The following BMS1 variants were observed in gnomAD, a reference collection of about 807,000 sequenced individuals.
BMS1 encodes the protein ribosome biogenesis protein BMS1 homolog.
In BMS1, 53 loss-of-function variants were observed where a neutral mutation model predicts 138.7. The ratio of observed to expected loss-of-function variants is 0.38; its 90% CI spans 0.31 to 0.48. The LOEUF is 0.48. BMS1 is among the 20% of genes least tolerant of loss of function. The pLI, the probability that BMS1 is intolerant of heterozygous loss-of-function variation, is 0.97. For synonymous variants in BMS1, 504 were observed against 539.9 expected (o/e 0.93, Z 0.92); for missense variants, 1,360 against 1,565.5 (o/e 0.87, Z 2.22).
At position 42,784,493 on chromosome 10, in the gene BMS1, C is replaced by T. The variant is rs1344429748; in HGVS notation, c.99C>T (p.Asp33=). The T allele has an allele frequency of 6.8e-6, 11 of 1,613,822 alleles. No individual in the cohort carries two copies. Among genetic ancestry groups the T allele is most frequent in the Admixed American group, 3.3e-5 (2 of 59,982 alleles). Residue 33 remains aspartate, a synonymous_variant, in exon 2 of 23, where the codon GAC becomes GAT. Coordinates refer to ENST00000374518, the MANE Select transcript of BMS1 (RefSeq NM_014753.4). ...KRLLQDLQLG[D]EEDARKRNPK... ...TTCTGCAGGATCTCCAGCTAGGAGA[C>T]GAAGAAGATGCCCGGAAGAGAAATC...
Position 42,796,547 on chromosome 10 carries a change from G to A in BMS1, c.1303G>A (p.Asp435Asn). 6.2e-7 allele frequency: 1 copy of A among 1,614,208 alleles called. No individual in the cohort carries two copies. Among genetic ancestry groups the A allele is most frequent in the African/African-American group, 1.3e-5 (1 of 75,052 alleles). Residue 435 changes from aspartate (D) to asparagine (N), a missense_variant, in exon 10 of 23, where the codon GAT becomes AAT. Physicochemically the swap from Asp to Asn is conservative, Grantham distance 23. Transcript: ENST00000374518. ...GRMRRKAIFG[D>N]EDESGDSDDE... Reference sequence around the variant, plus strand: ...AATGCGTCGGAAAGCCATTTTCGGAGATGAAGATGAATCTGGAGATAGTGA... The same window carrying A: ...AATGCGTCGGAAAGCCATTTTCGGAAATGAAGATGAATCTGGAGATAGTGA...
At position 42,787,084 on chromosome 10, in the gene BMS1, A is replaced by G. The variant is rs564212508; in HGVS notation, c.368-84A>G. The G allele has an allele frequency of 1.7e-4, 142 of 846,344 alleles. 3 individuals are homozygous for G. The South Asian group carries it at 1.9e-3, about 11-fold the overall frequency. The allele number at this position is 846,344 out of a possible 1,614,324, so 52.4% of individuals were successfully genotyped here. ...ATGTATATGATGTTTTACTGGATGC[A>G]GTTAAAAAATGAAAATTAAGAGTTG... is the stretch of plus-strand genomic sequence containing the variant. On this transcript the variant is annotated intron_variant, in intron 3 of 22. Transcript: ENST00000374518.
intron 13 of BMS1, among the ~76,000 whole-genome samples, chr10:42,806,877 AAG>A (rs1332578540): frequency 2.6e-5 from 4 of 152,172 alleles, no homozygotes; most frequent in Admixed American, 2.6e-4. Flanking sequence ...GAGAAAAAAA[AAG>A]AACGAATACA....
intron 13 of BMS1, among the ~76,000 whole-genome samples, chr10:42,815,314 G>A (rs1156766752): frequency 2.0e-5 from 3 of 152,332 alleles, no homozygotes; most frequent in African/African-American, 7.2e-5. Context: ...GCACCGATGA[G>A]TGTTGGTGGT....
rs1328493113 is a variant in BMS1, at chr10:42,798,514, T to C, written c.2136T>C (p.Leu712=). Residue 712 remains leucine, a synonymous_variant, in exon 12 of 23, where the codon CTT becomes CTC. Transcript: ENST00000374518. The stretch of plus-strand genomic sequence containing the variant: ...AAGATGATGATACTCTAGAAGAGCT[T>C]GGAGGGTTGTTTCGTGTCAACCAGC... ...EEEDDDTLEE[L]GGLFRVNQPD... is the part of the protein sequence containing the mutation. 6.2e-7 allele frequency: 1 copy of C among 1,614,112 alleles called. No homozygotes were observed. The highest frequency in any genetic ancestry group is 1.3e-5 in the African/African-American group (1 of 74,940).
At chr10:42,806,857 A>T (rs1842026522) in intron 13 of BMS1, among the ~76,000 whole-genome samples, 1 of 148,376 alleles carries the variant, frequency 6.7e-6, no homozygotes. Flanking sequence ...CACGTGTAAG[A>T]ACAAATACAG....
chr10:42,797,600 C>A, intron 11 of BMS1, 77 bp downstream of exon 11: 1 of 1,415,244 alleles, frequency 7.1e-7, no homozygotes, highest in Non-Finnish European at 9.9e-7. Context: ...TTGGAGGATT[C>A]GGCTGGTATT....
chr10:42,811,384 G>A (rs1215844002), intron 13 of BMS1, among the ~76,000 whole-genome samples: 2 of 150,070 alleles, frequency 1.3e-5, no homozygotes, highest in Non-Finnish European at 3.0e-5. Flanking sequence ...GCTTGTTTGG[G>A]GTTTATTTTG....
At chr10:42,783,359 G>A (rs1377220738) in intron 1 of BMS1, among the ~76,000 whole-genome samples, 1 of 152,256 alleles carries the variant, frequency 6.6e-6, no homozygotes, top group Non-Finnish European at 1.5e-5. Flanking sequence ...TCACCTCCGT[G>A]CTCCAGTAGC....
chr10:42,814,396 AT>A (rs147171869), intron 13 of BMS1, among the ~76,000 whole-genome samples: 3 of 151,248 alleles, frequency 2.0e-5, no homozygotes, highest in Non-Finnish European at 1.5e-5. Flanking sequence ...ATCTAGATAG[AT>A]TTTTTTTTAA....
intron 15 of BMS1, among the ~76,000 whole-genome samples, chr10:42,819,162 AAG>A (rs771926512): frequency 1.3e-5 from 2 of 152,210 alleles, no homozygotes; most frequent in Non-Finnish European, 2.9e-5. Context: ...GTTTTGAGAT[AAG>A]AGAGAGAACA....
intron 8 of BMS1, 73 bp downstream of exon 8, chr10:42,793,217 G>C (rs1238679340): frequency 1.4e-6 from 2 of 1,436,922 alleles, no homozygotes; most frequent in Admixed American, 4.7e-5. Context: ...ATCACAAAAA[G>C]TAATGTACTC....
chr10:42,792,468 G>T (rs368717100), intron 6 of BMS1, 25 bp from the exon 7 acceptor site: 2 of 1,609,564 alleles, frequency 1.2e-6, no homozygotes, highest in Admixed American at 1.7e-5. Flanking sequence ...ATTCATTTCT[G>T]CTGTGATTGA....
At chr10:42,799,484 T>A (rs1205203245) in intron 12 of BMS1, among the ~76,000 whole-genome samples, 1 of 152,236 alleles carries the variant, frequency 6.6e-6, no homozygotes, top group African/African-American at 2.4e-5. Context: ...TTGGCTTAGA[T>A]GTCACTTCTC....
chr10:42,831,212 C>A lies in BMS1; in HGVS notation c.*116C>A. The stretch of plus-strand genomic sequence containing the variant: ...GGAAAGAGCTCAAGAGATGTCTCTA[C>A]TCAAACTGTGCCTGCAGGAGGAGGA... On this transcript the variant is annotated 3_prime_UTR_variant, in exon 23 of 23. Coordinates refer to ENST00000374518, the MANE Select transcript of BMS1 (RefSeq NM_014753.4). The A allele has an allele frequency of 9.0e-7, 1 of 1,110,500 alleles. No homozygotes were observed. The highest frequency in any genetic ancestry group is 1.3e-6 in the Non-Finnish European group (1 of 787,836). The allele number at this position is 1,110,500 out of a possible 1,614,324, so 68.8% of individuals were successfully genotyped here.
rs778656096 is a variant in BMS1 at position 42,797,178 on chromosome 10, T to A, written c.1934T>A (p.Leu645His). 1 of 1,612,300 alleles carries A rather than the reference T, an allele frequency of 6.2e-7. No homozygotes were observed. The highest frequency in any genetic ancestry group is 8.5e-7 in the Non-Finnish European group (1 of 1,179,444). Residue 645 changes from leucine to histidine, a missense_variant, in exon 10 of 23, where the codon CTC becomes CAC. Physicochemically the swap from Leu to His is moderately conservative, Grantham distance 99 (BLOSUM62 -3). Coordinates refer to ENST00000374518, the MANE Select transcript of BMS1 (RefSeq NM_014753.4). Reference protein sequence around the residue: ...IDETSDIENLLKEEEDYKEEN... With the variant: ...IDETSDIENLHKEEEDYKEEN... ...GAGACCAGTGATATAGAAAATTTAC[T>A]CAAAGAGGAAGAAGATTACAAGGAA...
At chr10:42,809,203 A>G (rs2132347575) in intron 13 of BMS1, among the ~76,000 whole-genome samples, 1 of 152,130 alleles carries the variant, frequency 6.6e-6, no homozygotes, top group African/African-American at 2.4e-5. Flanking sequence ...ACCAGTTGGG[A>G]ATATGTTTTG....
intron 14 of BMS1, among the ~76,000 whole-genome samples, chr10:42,816,888 G>A (rs1842364623): frequency 6.6e-6 from 1 of 152,154 alleles, no homozygotes; most frequent in African/African-American, 2.4e-5. Flanking sequence ...ATAGTCATTT[G>A]CCAAGTCCAC....
chr10:42,814,245 T>C (rs1212301877), intron 13 of BMS1, among the ~76,000 whole-genome samples: 3 of 152,212 alleles, frequency 2.0e-5, no homozygotes, highest in African/African-American at 7.2e-5. Context: ...TTTGTTATTG[T>C]CCCACAGGTC....
Sources: allele counts gnomAD v4.1 joint callset (sites outside exome capture counted in the v4.1 genomes callset), GRCh38; gene constraint gnomAD v4.1.1; transcripts MANE v1.5; gene names NCBI Gene and HGNC (gene_info 2026-07-23, HGNC 2026-07-21).